The following SUPT16H variants were observed in gnomAD, a reference collection of about 807,000 sequenced individuals.
The protein encoded by SUPT16H is FACT complex subunit SPT16.
In SUPT16H, 24 loss-of-function variants were observed where a neutral mutation model predicts 136.2. That is an observed-to-expected ratio of 0.18 (90% CI 0.13 to 0.25). The LOEUF (loss-of-function observed/expected upper bound fraction) is 0.25, where lower values mean the gene tolerates loss of function less well. SUPT16H is among the 10% of genes least tolerant of loss of function. The probability of loss-of-function intolerance (pLI) is 1.00; values close to 1 mark genes in which losing one functional copy is unlikely to be tolerated. For synonymous variants in SUPT16H, 415 were observed against 428.2 expected (o/e 0.97, Z 0.38); for missense variants, 623 against 1,270.2 (o/e 0.49, Z 7.74).
chr14:21,370,980 T>C (rs572778292), intron 3 of SUPT16H, among the ~76,000 whole-genome samples: 1 of 152,210 alleles, frequency 6.6e-6, no homozygotes, highest in Middle Eastern at 3.4e-3. Flanking sequence ...TTTTGTTATC[T>C]TGCCCAGGAT....
rs766168900 is a variant in SUPT16H at position 21,353,447 on chromosome 14, T to C, written c.2998+41A>G. ...AATATTGAAATGTGTTAGAAATTTGTGCGTAGACAAATGAATAAAAAACAA... is the reference window on the plus strand; with the variant it reads ...AATATTGAAATGTGTTAGAAATTTGCGCGTAGACAAATGAATAAAAAACAA... On this transcript the variant is annotated intron_variant, in intron 25 of 25. Transcript: ENST00000216297. 3.8e-6 allele frequency: 6 copies of C among 1,576,266 alleles called. No homozygotes were observed. In the Admixed American group the frequency reaches 5.1e-5, roughly 13 times the overall value.
At chr14:21,382,560 A>G (rs947225428) in intron 1 of SUPT16H, among the ~76,000 whole-genome samples, 3 of 152,240 alleles carry the variant, frequency 2.0e-5, no homozygotes, top group African/African-American at 7.2e-5. Context: ...AAAGGTTCAC[A>G]GTTTCAGGGT....
chr14:21,383,155 C>A, intron 1 of SUPT16H: 1 of 156,878 alleles, frequency 6.4e-6, no homozygotes, highest in Non-Finnish European at 1.4e-5. Flanking sequence ...AGCAGCAAAA[C>A]TGCCGAATCT....
At chr14:21,352,932 T>A in intron 25 of SUPT16H, 114 bp from the exon 26 acceptor site, 1 of 1,380,358 alleles carries the variant, frequency 7.2e-7, no homozygotes, top group Non-Finnish European at 1.0e-6. Flanking sequence ...CAAGTTTTAA[T>A]ATTGGGCAAG....
At chr14:21,363,381 T>A (rs751740455) in intron 11 of SUPT16H, 53 bp from the exon 12 acceptor site, 339 of 1,605,770 alleles carry the variant, frequency 2.1e-4, no homozygotes, top group Non-Finnish European at 2.6e-4. Context: ...TTAGCCAATA[T>A]TATTTAACTT....
chr14:21,361,377 C>T, intron 15 of SUPT16H, 164 bp from the exon 16 acceptor site: 1 of 809,224 alleles, frequency 1.2e-6, no homozygotes, highest in South Asian at 1.6e-5. Context: ...AGTGCAGTGG[C>T]CCAATCTTAG....
Position 21,352,581 on chromosome 14 carries a change from G to A in SUPT16H, c.*92C>T, listed in dbSNP as rs1886336606. The A allele has an allele frequency of 6.3e-7, 1 of 1,584,316 alleles. No individual in the cohort carries two copies. The highest frequency in any genetic ancestry group is 1.8e-5 in the Admixed American group (1 of 55,646). On this transcript the variant is annotated 3_prime_UTR_variant, in exon 26 of 26. Coordinates refer to ENST00000216297, the MANE Select transcript of SUPT16H (RefSeq NM_007192.4). ...AAACACAAATGGCAAAACTTCAAAT[G>A]AAAACGAAAGGAAAAATACAGTTTC...
intron 6 of SUPT16H, 144 bp downstream of exon 6, chr14:21,369,060 C>A: frequency 1.2e-6 from 1 of 850,336 alleles, no homozygotes; most frequent in Non-Finnish European, 1.7e-6. Flanking sequence ...GGGTGATGGA[C>A]ACCCAAGATA....
chr14:21,381,951 TA>T (rs1383800055), intron 1 of SUPT16H, among the ~76,000 whole-genome samples: 3 of 151,828 alleles, frequency 2.0e-5, no homozygotes, highest in Admixed American at 1.3e-4. Flanking sequence ...GTTTTCTTAT[TA>T]AAAAAAGGAA....
Position 21,360,984 on chromosome 14 carries a change from G to A in SUPT16H, c.1930-12C>T, listed in dbSNP as rs1055366122. On this transcript the variant is annotated splice_polypyrimidine_tract_variant and intron_variant, in intron 16 of 25. Transcript: ENST00000216297. ...TGTTTTACAATCCCCTAAGCAAGAA[G>A]AAAATTAATGTGAATTGTCACATAT... The A allele has an allele frequency of 1.2e-6, 2 of 1,612,028 alleles. No homozygotes were observed. Among genetic ancestry groups the A allele is most frequent in the Admixed American group, 1.7e-5 (1 of 59,552 alleles).
At chr14:21,366,302 A>G in intron 8 of SUPT16H, 137 bp downstream of exon 8, 5 of 781,500 alleles carry the variant, frequency 6.4e-6, no homozygotes, top group Admixed American at 2.4e-5. Context: ...TGATAACATC[A>G]TGTGCCTGGC....
chr14:21,382,373 A>G (rs1035694634), intron 1 of SUPT16H, among the ~76,000 whole-genome samples: 9 of 152,242 alleles, frequency 5.9e-5, no homozygotes, highest in African/African-American at 1.2e-4. Flanking sequence ...GTGGGAAATA[A>G]CTTTCATGGA....
At chr14:21,374,180 C>A (rs1886849916) in intron 1 of SUPT16H, among the ~76,000 whole-genome samples, 1 of 152,216 alleles carries the variant, frequency 6.6e-6, no homozygotes, top group Non-Finnish European at 1.5e-5. Context: ...AGAGATGTAA[C>A]CCCAGGGCAA....
At chr14:21,360,746 AC>A in intron 17 of SUPT16H, 99 bp downstream of exon 17, 1 of 1,505,310 alleles carries the variant, frequency 6.6e-7, no homozygotes. Context: ...AACTGAGCTA[AC>A]CGGCGGATGG....
chr14:21,376,246 G>A (rs979108391), intron 1 of SUPT16H, among the ~76,000 whole-genome samples: 36 of 152,158 alleles, frequency 2.4e-4, no homozygotes, highest in Non-Finnish European at 1.8e-4. Context: ...GGCCAGTACC[G>A]TGATGTTTTG....
intron 19 of SUPT16H, 90 bp downstream of exon 19, chr14:21,359,394 C>T (rs1886504068): frequency 1.3e-6 from 2 of 1,542,428 alleles, no homozygotes; most frequent in Non-Finnish European, 1.7e-6. Flanking sequence ...CCACGCCAGC[C>T]CAGTTTGTTT....
At chr14:21,367,728 C>T (rs1311777553) in intron 7 of SUPT16H, among the ~76,000 whole-genome samples, 1 of 152,086 alleles carries the variant, frequency 6.6e-6, no homozygotes, top group African/African-American at 2.4e-5. Context: ...ACACAGAGGG[C>T]CTAACAAGTC....
chr14:21,360,719 A>G, intron 17 of SUPT16H, 127 bp downstream of exon 17: 1 of 1,385,158 alleles, frequency 7.2e-7, no homozygotes. Context: ...ATACTTTATT[A>G]GCACCATGCT....
At chr14:21,365,355 T>C (rs921987372) in intron 8 of SUPT16H, among the ~76,000 whole-genome samples, 3 of 152,242 alleles carry the variant, frequency 2.0e-5, no homozygotes, top group Admixed American at 2.0e-4. Flanking sequence ...AATTTCCTAA[T>C]TGATTATATC....
Sources: gnomAD v4.1 joint callset for allele counts (sites outside exome capture counted in the v4.1 genomes callset) on GRCh38, gnomAD v4.1.1 for gene constraint, MANE v1.5 for transcripts, NCBI Gene and HGNC (gene_info 2026-07-23, HGNC 2026-07-21) for gene names.